DNAJA2: variants seen among roughly 807,000 people sequenced by gnomAD.
The protein encoded by DNAJA2 is dnaJ homolog subfamily A member 2.
DNAJA2 carries 6 observed loss-of-function variants against 49.3 expected under a neutral mutation model. The observed-to-expected ratio is 0.12, with a 90% CI of 0.07 to 0.24. DNAJA2 has a LOEUF of 0.24. Ranked by LOEUF, DNAJA2 falls within the 10% of genes least tolerant of loss-of-function variation. The pLI is 1.00. For missense variants in DNAJA2, 347 were observed against 516.8 expected, an observed-to-expected ratio of 0.67 and a Z score of 3.19; for synonymous variants, 160 against 172.7, an observed-to-expected ratio of 0.93 and a Z score of 0.58.
chr16:46,967,635 T>C lies in DNAJA2; in HGVS notation c.455A>G (p.Lys152Arg). Reference sequence around the variant, plus strand: ...ACTACACTTTTGGACAGCTCCAGACTTTCCGCCTTGGCTAAAGCAAGCACA... The same window carrying C: ...ACTACACTTTTGGACAGCTCCAGACCTTCCGCCTTGGCTAAAGCAAGCACA... The part of the protein sequence containing the change: ...LCSACSGQGG[K>R]SGAVQKCSAC... Residue 152 changes from lysine to arginine, a missense_variant, in exon 5 of 9, where the codon AAG becomes AGG. By Grantham distance (26) the Lys-to-Arg change is conservative. Transcript: ENST00000317089. The C allele has an allele frequency of 6.2e-7, 1 of 1,614,094 alleles. No homozygotes were observed. The highest frequency in any genetic ancestry group is 8.5e-7 in the Non-Finnish European group (1 of 1,179,986).
Position 46,971,520 on chromosome 16 carries a change from T to G in DNAJA2, c.191A>C (p.Glu64Ala). Reference protein sequence around the residue: ...YEVLSNPEKRELYDRYGEQGL... With the variant: ...YEVLSNPEKRALYDRYGEQGL... ...TTGCTCTCCGTATCTGTCATATAAC[T>G]CACGCTTCTCAGGATTTGATAGTAC... Residue 64 changes from glutamate (E) to alanine (A), a missense_variant, in exon 3 of 9, where the codon GAG (glutamate) becomes GCG (alanine). Physicochemically the swap from Glu to Ala is moderately radical, Grantham distance 107. Transcript: ENST00000317089. 2 of 1,610,386 alleles carry G rather than the reference T, an allele frequency of 1.2e-6. No individual in the cohort carries two copies. Among genetic ancestry groups the G allele is most frequent in the African/African-American group, 2.7e-5 (2 of 74,840 alleles).
At chr16:46,969,555 C>G (rs559197919) in intron 3 of DNAJA2, among the ~76,000 whole-genome samples, 2 of 152,318 alleles carry the variant, frequency 1.3e-5, no homozygotes, top group South Asian at 4.1e-4. Context: ...GCACTCTCCA[C>G]TAGTGGGGCC....
chr16:46,963,708 A>C (rs898439234), intron 6 of DNAJA2, among the ~76,000 whole-genome samples: 6 of 151,674 alleles, frequency 4.0e-5, no homozygotes, highest in Non-Finnish European at 8.8e-5. Context: ...AAAAACAAAA[A>C]CCCCCCAAAA....
At chr16:46,970,512 G>A (rs1419831990) in intron 3 of DNAJA2, among the ~76,000 whole-genome samples, 3 of 152,094 alleles carry the variant, frequency 2.0e-5, no homozygotes, top group Non-Finnish European at 2.9e-5. Flanking sequence ...GGAGGATGAG[G>A]CAGGAAGATC....
At position 46,956,930 on chromosome 16, in the gene DNAJA2, T is replaced by A; in HGVS notation, c.*99A>T. 7.7e-7 allele frequency: 1 copy of A among 1,293,482 alleles called. No individual in the cohort carries two copies. The highest frequency in any genetic ancestry group is 1.1e-6 in the Non-Finnish European group (1 of 893,214). The allele number at this position is 1,293,482 out of a possible 1,614,324, so 80.1% of individuals were successfully genotyped here. ...TTATACATAGACCAACAGATGTCCC[T>A]CAGTTCATCTGGATTGATAAGACAC... On this transcript the variant is annotated 3_prime_UTR_variant, in exon 9 of 9. Coordinates refer to ENST00000317089, the MANE Select transcript of DNAJA2 (RefSeq NM_005880.4).
At chr16:46,973,003 G>C (rs1363751525) in intron 1 of DNAJA2, 1 of 152,042 alleles carries the variant, frequency 6.6e-6, no homozygotes, top group Non-Finnish European at 1.5e-5. Flanking sequence ...TCCGCCCGAG[G>C]CGCTCTGTGG....
In DNAJA2 at chr16:46,956,908, T is replaced by C; in HGVS notation, c.*121A>G. 1 of 1,090,626 alleles carries C rather than the reference T, an allele frequency of 9.2e-7. No individual in the cohort carries two copies. The highest frequency in any genetic ancestry group is 1.4e-6 in the Non-Finnish European group (1 of 724,064). 67.6% of individuals were successfully genotyped at this position (1,090,626 alleles called of 1,614,324 possible). On this transcript the variant is annotated 3_prime_UTR_variant, in exon 9 of 9. Transcript: ENST00000317089. ...GATACTATACCAATTTTAAAAGTTATACATAGACCAACAGATGTCCCTCAG... is the reference window on the plus strand; with the variant it reads ...GATACTATACCAATTTTAAAAGTTACACATAGACCAACAGATGTCCCTCAG...
Position 46,957,016 on chromosome 16 carries a change from T to C in DNAJA2, c.*13A>G. 6.2e-7 allele frequency: 1 copy of C among 1,614,122 alleles called. No homozygotes were observed. Among genetic ancestry groups the C allele is most frequent in the Non-Finnish European group, 8.5e-7 (1 of 1,179,982 alleles). On this transcript the variant is annotated 3_prime_UTR_variant, in exon 9 of 9. Coordinates refer to ENST00000317089, the MANE Select transcript of DNAJA2 (RefSeq NM_005880.4). ...TGGAAAGAAAATCCACCTGTGCAAT[T>C]TGTTTGCAGAGTTTACTGATGGGCA... is the stretch of plus-strand genomic sequence containing the variant.
intron 5 of DNAJA2, among the ~76,000 whole-genome samples, chr16:46,965,832 C>CA (rs765934380): frequency 0.03 from 1,682 of 55,558 alleles, 21 homozygotes; most frequent in East Asian, 0.14. Context: ...CTCCGTCTCA[C>CA]AAAAAAAAAA....
chr16:46,970,758 G>A (rs966285301), intron 3 of DNAJA2, among the ~76,000 whole-genome samples: 2 of 32,602 alleles, frequency 6.1e-5, no homozygotes, highest in African/African-American at 1.1e-4. Flanking sequence ...AAAAAAAAAG[G>A]TCGGGCACAG....
chr16:46,967,567 C>A lies in DNAJA2; in HGVS notation c.523G>T (p.Ala175Ser), dbSNP rs1472121887. The change falls in exon 5 of 9, where the codon GCT (alanine) becomes TCT (serine). Residue 175 changes from alanine to serine, a missense_variant. Physicochemically the swap from Ala to Ser is moderately conservative, Grantham distance 99 (BLOSUM62 1). Coordinates refer to ENST00000317089, the MANE Select transcript of DNAJA2 (RefSeq NM_005880.4). Reference protein sequence around the residue: ...RGVRIMIRQLAPGMVQQMQSV... With the variant: ...RGVRIMIRQLSPGMVQQMQSV... ...TGCATCTGTTGTACCATCCCTGGAG[C>A]CAGCTGTCTGATCATGATGCGCACA... is the stretch of plus-strand genomic sequence containing the variant. The A allele has an allele frequency of 1.2e-6, 2 of 1,614,176 alleles. No homozygotes were observed. The highest frequency in any genetic ancestry group is 3.3e-5 in the Admixed American group (2 of 60,018).
At chr16:46,973,207 G>A (rs1404375165) in intron 1 of DNAJA2, among the ~76,000 whole-genome samples, 14 of 152,258 alleles carry the variant, frequency 9.2e-5, no homozygotes, top group African/African-American at 2.9e-4. Context: ...AGCCCCCGGC[G>A]CTCGTTCAAG....
intron 3 of DNAJA2, among the ~76,000 whole-genome samples, chr16:46,970,320 T>C (rs1220333104): frequency 1.3e-5 from 2 of 152,248 alleles, no homozygotes; most frequent in Non-Finnish European, 2.9e-5. Context: ...GCAAGCTCCA[T>C]GGAAACCAAC....
At chr16:46,971,257 A>G (rs1304013917) in intron 3 of DNAJA2, 92 bp downstream of exon 3, 2 of 1,097,086 alleles carry the variant, frequency 1.8e-6, no homozygotes, top group Non-Finnish European at 2.6e-6. Flanking sequence ...AATGAAGGAC[A>G]GAACACTCTA....
Position 46,966,050 on chromosome 16 carries a change from C to G in DNAJA2, c.578-1243G>C, listed in dbSNP as rs1391236383. 4.0e-5 allele frequency among the ~76,000 whole-genome samples: 6 copies of G among 151,848 alleles called. No individual in the cohort carries two copies. The East Asian group carries it at 1.2e-3, about 30-fold the overall frequency. ...ACCAGCCTGGGCAACGTGGCAAAAC[C>G]CCATCTCTACAAGAAATACAAAAAT... On this transcript the variant is annotated intron_variant, in intron 5 of 8. Coordinates refer to ENST00000317089, the MANE Select transcript of DNAJA2 (RefSeq NM_005880.4).
intron 3 of DNAJA2, 95 bp downstream of exon 3, chr16:46,971,254 G>A: frequency 2.8e-6 from 3 of 1,057,626 alleles, no homozygotes; most frequent in Non-Finnish European, 4.0e-6. Context: ...TCTAATGAAG[G>A]ACAGAACACT....
At position 46,967,501 on chromosome 16, in the gene DNAJA2, T is replaced by C; in HGVS notation, c.577+12A>G. The C allele has an allele frequency of 1.2e-6, 2 of 1,613,924 alleles. No homozygotes were observed. The highest frequency in any genetic ancestry group is 4.5e-5 in the East Asian group (2 of 44,890). ...TTCCAACATAAAAGCAGAGAAGTAC[T>C]GGCACACATACCTTCTCCATTACAA... On this transcript the variant is annotated intron_variant, in intron 5 of 8. Coordinates refer to ENST00000317089, the MANE Select transcript of DNAJA2 (RefSeq NM_005880.4).
chr16:46,973,646 C>A lies in DNAJA2; in HGVS notation c.-74G>T. 2 of 1,499,144 alleles carry A rather than the reference C, an allele frequency of 1.3e-6. No individual in the cohort carries two copies. Among genetic ancestry groups the A allele is most frequent in the East Asian group, 2.6e-5 (1 of 38,944 alleles). The allele number at this position is 1,499,144 out of a possible 1,614,324, so 92.9% of individuals were successfully genotyped here. ...GCGGAGTCGGGCCCACAAGCGGCGT[C>A]GGCGGCGGCACAGGCCGAGGGAGAC... On this transcript the variant is annotated 5_prime_UTR_variant, in exon 1 of 9. Coordinates refer to ENST00000317089, the MANE Select transcript of DNAJA2 (RefSeq NM_005880.4).
chr16:46,956,868 A>C lies in DNAJA2; in HGVS notation c.*161T>G. 1 of 750,204 alleles carries C rather than the reference A, an allele frequency of 1.3e-6. No homozygotes were observed. The allele number at this position is 750,204 out of a possible 1,614,324, so 46.5% of individuals were successfully genotyped here. On this transcript the variant is annotated 3_prime_UTR_variant, in exon 9 of 9. Transcript: ENST00000317089. ...ATGTAAAGCTTTGTGGTTAGTTTAAATTATACACTCTGTAGATACTATACC... is the reference window on the plus strand; with the variant it reads ...ATGTAAAGCTTTGTGGTTAGTTTAACTTATACACTCTGTAGATACTATACC...
Sources: allele counts gnomAD v4.1 joint callset (sites outside exome capture counted in the v4.1 genomes callset), GRCh38; gene constraint gnomAD v4.1.1; transcripts MANE v1.5; gene names NCBI Gene and HGNC (gene_info 2026-07-23, HGNC 2026-07-21).